The following GYS1 variants were observed in gnomAD, a reference collection of about 807,000 sequenced individuals.
The protein encoded by GYS1 is glycogen synthase 1.
GYS1 carries 60 observed loss-of-function variants against 89.1 expected under a neutral mutation model. The ratio of observed to expected loss-of-function variants is 0.67; its 90% confidence interval spans 0.55 to 0.84. The LOEUF (loss-of-function observed/expected upper bound fraction) is 0.84, where lower values mean the gene tolerates loss of function less well. GYS1 is among the 40% of genes least tolerant of loss of function. The probability of loss-of-function intolerance (pLI) is 0.00; values close to 1 mark genes in which losing one functional copy is unlikely to be tolerated. For synonymous variants in GYS1, 366 were observed against 401.7 expected, an observed-to-expected ratio of 0.91 and a Z score of 1.06; for missense variants, 888 against 1,003.1, an observed-to-expected ratio of 0.89 and a Z score of 1.55.
intron 5 of GYS1, among the ~76,000 whole-genome samples, chr19:48,984,465 G>A (rs1407139822): frequency 3.4e-5 from 5 of 147,812 alleles, no homozygotes; most frequent in East Asian, 2.1e-4. Context: ...GTGTGATCTC[G>A]GCCCACTGCA....
At chr19:48,973,327 AT>A (rs11456505) in intron 12 of GYS1, among the ~76,000 whole-genome samples, 4 of 149,656 alleles carry the variant, frequency 2.7e-5, no homozygotes, top group South Asian at 2.1e-4. Flanking sequence ...CCAGTCTTGG[AT>A]TTTTTTTTTA....
At position 48,968,822 on chromosome 19, in the gene GYS1, A is replaced by T. The variant is rs767558593; in HGVS notation, c.*466T>A. ...AACTCTGAAAGTGCCCCGGCTCTGG[A>T]CTTGATCGCCCCATTCGCAGGGACA... On this transcript the variant is annotated 3_prime_UTR_variant, in exon 16 of 16. Coordinates refer to ENST00000323798, the MANE Select transcript of GYS1 (RefSeq NM_002103.5). 1.8e-5 allele frequency: 8 copies of T among 456,986 alleles called. No individual in the cohort carries two copies. The highest frequency in any genetic ancestry group is 1.2e-4 in the South Asian group (8 of 64,508). 28.3% of individuals were successfully genotyped at this position (456,986 alleles called of 1,614,324 possible). A position where few individuals can be genotyped will look rare whatever the true frequency, so the allele number is the denominator to read the frequency against.
rs1240344713 is a variant in GYS1 at position 48,991,440 on chromosome 19, T to G, written c.162A>C (p.Thr54=). 2 of 1,613,742 alleles carry G rather than the reference T, an allele frequency of 1.2e-6. No homozygotes were observed. The highest frequency in any genetic ancestry group is 1.7e-6 in the Non-Finnish European group (2 of 1,179,898). The stretch of plus-strand genomic sequence containing the variant: ...AGTAGTTGTCGCCCCATTCGTCCCC[T>G]GTCACCTTCGCCTTCGTCTGCAGCA... ...YTVLQTKAKV[T]GDEWGDNYFL... The change falls in exon 2 of 16, where the codon ACA becomes ACC. Residue 54 remains threonine, a synonymous_variant. Coordinates refer to ENST00000323798, the MANE Select transcript of GYS1 (RefSeq NM_002103.5). The surrounding 1 kb of genome is among the most constrained non-coding windows in gnomAD (Gnocchi z 4.7).
In GYS1 at chr19:48,983,938, A is replaced by C. The variant is rs549334247; in HGVS notation, c.824-1101T>G. Among the ~76,000 whole-genome samples the C allele has an allele frequency of 3.9e-5, 6 of 152,286 alleles. No homozygotes were observed. The South Asian group carries it at 1.0e-3, about 26-fold the overall frequency. ...AGCCTTCTGGGAGCTGTAGTTCTCT[A>C]TTCTTTAGGTAAAAAAATGGTAACT... On this transcript the variant is annotated intron_variant, in intron 5 of 15. Transcript: ENST00000323798.
intron 10 of GYS1, among the ~76,000 whole-genome samples, chr19:48,976,433 T>G (rs772866080): frequency 1.3e-5 from 2 of 152,002 alleles, no homozygotes; most frequent in Non-Finnish European, 2.9e-5. Flanking sequence ...GCCCCTAGAC[T>G]CAATAGAATG....
rs1167128419 is a variant in GYS1, at chr19:48,977,925, T to C, written c.1307A>G (p.Gln436Arg). Residue 436 changes from glutamine to arginine, a missense_variant and splice_region_variant, in exon 10 of 16, where the codon CAG (glutamine) becomes CGG (arginine). Gln to Arg is a conservative substitution (Grantham distance 43). Coordinates refer to ENST00000323798, the MANE Select transcript of GYS1 (RefSeq NM_002103.5). The stretch of plus-strand genomic sequence containing the variant: ...TCTGCACAGAGGTCCAATCCATACC[T>C]GCGTTGCAAAGATGGCTCTCTTCAT... ...TMMKRAIFAT[Q>R]RQSFPPVCTH... is the part of the protein sequence containing the mutation. 11 of 1,611,866 alleles carry C rather than the reference T, an allele frequency of 6.8e-6. No individual in the cohort carries two copies. Among genetic ancestry groups the C allele is most frequent in the Admixed American group, 1.7e-5 (1 of 59,986 alleles).
At position 48,987,228 on chromosome 19, in the gene GYS1, A is replaced by G. The variant is rs1266171356; in HGVS notation, c.458T>C (p.Leu153Pro). 1 of 1,613,598 alleles carries G rather than the reference A, an allele frequency of 6.2e-7. No homozygotes were observed. The highest frequency in any genetic ancestry group is 8.5e-7 in the Non-Finnish European group (1 of 1,179,784). Residue 153 changes from leucine (L) to proline (P), a missense_variant, in exon 3 of 16, where the codon CTC (leucine) becomes CCC (proline). Transcript: ENST00000323798. ...WYDREANDAVLFGFLTTWFLG... is the reference protein window; with the variant it reads ...WYDREANDAVPFGFLTTWFLG... The stretch of plus-strand genomic sequence containing the variant: ...GAACCAGGTGGTCAGAAAGCCAAAG[A>G]GGACAGCGTCGTTGGCCTCGCGGTC...
chr19:48,974,083 C>G, intron 12 of GYS1, 130 bp downstream of exon 12: 1 of 963,474 alleles, frequency 1.0e-6, no homozygotes, highest in Non-Finnish European at 1.6e-6. Flanking sequence ...TGTAGCAGAA[C>G]AGGTGATTAC....
chr19:48,993,173 G>T lies in GYS1; in HGVS notation c.-61C>A. ...GGTAGGGACCCCGGAGGTGTCTAGG[G>T]AATGCACCAGGTAGGGTGCGGGGCC... On this transcript the variant is annotated 5_prime_UTR_variant, in exon 1 of 16. Coordinates refer to ENST00000323798, the MANE Select transcript of GYS1 (RefSeq NM_002103.5). 4.3e-6 allele frequency: 4 copies of T among 932,560 alleles called. No homozygotes were observed. The highest frequency in any genetic ancestry group is 3.6e-6 in the Non-Finnish European group (2 of 560,634). The allele number at this position is 932,560 out of a possible 1,614,324, so 57.8% of individuals were successfully genotyped here.
chr19:48,974,153 A>G (rs2038607800), intron 12 of GYS1, 60 bp downstream of exon 12: 1 of 1,539,764 alleles, frequency 6.5e-7, no homozygotes, highest in Non-Finnish European at 8.8e-7. Flanking sequence ...CCTCGCCCCA[A>G]GACATGCTAG....
At chr19:48,973,387 C>A (rs2038595391) in intron 12 of GYS1, among the ~76,000 whole-genome samples, 2 of 151,740 alleles carry the variant, frequency 1.3e-5, no homozygotes, top group African/African-American at 4.9e-5. Context: ...ATCTATAAAA[C>A]AAGGCCTATG....
At chr19:48,970,141 T>G in intron 14 of GYS1, 2 of 510,926 alleles carry the variant, frequency 3.9e-6, no homozygotes, top group East Asian at 3.5e-5. Context: ...TTTTTCTTTT[T>G]AAACACGGTC....
At chr19:48,981,207 G>A (rs1184681685) in intron 8 of GYS1, among the ~76,000 whole-genome samples, 2 of 151,968 alleles carry the variant, frequency 1.3e-5, no homozygotes, top group Non-Finnish European at 2.9e-5. Context: ...GAGATCAGGA[G>A]TTTGAGACTA....
intron 12 of GYS1, among the ~76,000 whole-genome samples, chr19:48,972,062 G>A (rs2038573871): frequency 6.6e-6 from 1 of 151,540 alleles, no homozygotes; most frequent in Non-Finnish European, 1.5e-5. Context: ...CGGGCACGGT[G>A]GCTCATGTCT....
At chr19:48,986,101 T>C in intron 3 of GYS1, 66 bp from the exon 4 acceptor site, 1 of 1,461,540 alleles carries the variant, frequency 6.8e-7, no homozygotes, top group Non-Finnish European at 9.5e-7. Context: ...CAATCCCCAG[T>C]AGGGACAAGG....
chr19:48,977,181 C>G (rs1419291280), intron 10 of GYS1, among the ~76,000 whole-genome samples: 1 of 152,174 alleles, frequency 6.6e-6, no homozygotes, highest in African/African-American at 2.4e-5. Context: ...TCATGGCTCA[C>G]TGCAGCCTCA....
chr19:48,971,418 T>G lies in GYS1; in HGVS notation c.1550-395A>C, dbSNP rs113520218. 4.9e-3 allele frequency among the ~76,000 whole-genome samples: 743 copies of G among 152,244 alleles called. 5 individuals are homozygous for G. Among genetic ancestry groups the G allele is most frequent in the African/African-American group, 0.017 (716 of 41,512 alleles). On this transcript the variant is annotated intron_variant, in intron 12 of 15. Transcript: ENST00000323798. ...GTATCTTGTACGGACTTAGTCTATTTTGATGGGGGGTAAGATAAGGTCTCT... is the reference window on the plus strand; with the variant it reads ...GTATCTTGTACGGACTTAGTCTATTGTGATGGGGGGTAAGATAAGGTCTCT...
At chr19:48,989,061 TTCCTTCCCTCTCTCCC>T (rs987857330) in intron 2 of GYS1, among the ~76,000 whole-genome samples, 2 of 152,038 alleles carry the variant, frequency 1.3e-5, no homozygotes, top group African/African-American at 4.8e-5. Context: ...CCTTCCTTCC[TTCCTTCCCTCTCTCCC>T]TCCTTCCCTC....
At position 48,993,098 on chromosome 19, in the gene GYS1, G is replaced by A; in HGVS notation, c.15C>T (p.Arg5=). The A allele has an allele frequency of 6.2e-7, 1 of 1,604,526 alleles. No individual in the cohort carries two copies. Among genetic ancestry groups the A allele is most frequent in the Non-Finnish European group, 8.5e-7 (1 of 1,171,450 alleles). Residue 5 remains arginine (R), a synonymous_variant, in exon 1 of 16, where the codon CGC becomes CGT. Transcript: ENST00000323798. ...CTGGCAGTGAGGACATGGACAAAGT[G>A]CGGTTTAAAGGCATGGCTGGCGCAG... MPLN[R]TLSMSSLPGL... is the part of the protein sequence containing the mutation.
Sources: gnomAD v4.1 joint callset for allele counts (sites outside exome capture counted in the v4.1 genomes callset) on GRCh38, gnomAD v4.1.1 for gene constraint, Gnocchi (gnomAD v3.1) non-coding constraint, MANE v1.5 for transcripts, NCBI Gene and HGNC (gene_info 2026-07-23, HGNC 2026-07-21) for gene names.